The following FOXP1 variants were observed in gnomAD, a reference collection of about 807,000 sequenced individuals.
FOXP1 encodes forkhead box protein P1.
Under a neutral mutation model 98.2 loss-of-function variants are expected in FOXP1, and 15 were observed. That is an observed-to-expected ratio of 0.15 (90% CI 0.10 to 0.24). The LOEUF is 0.24. Among genes scored for constraint, FOXP1 ranks in the 10% least tolerant of loss-of-function variants. The probability of loss-of-function intolerance (pLI) is 1.00; values close to 1 mark genes in which losing one functional copy is unlikely to be tolerated. For synonymous variants in FOXP1, 371 were observed against 314.5 expected, an observed-to-expected ratio of 1.18 and a Z score of -1.90; for missense variants, 633 against 848.5, an observed-to-expected ratio of 0.75 and a Z score of 3.15.
chr3:71,474,841 T>A (rs947057429), intron 3 of FOXP1, among the ~76,000 whole-genome samples: 27 of 152,064 alleles, frequency 1.8e-4, no homozygotes, highest in African/African-American at 6.5e-4. Flanking sequence ...GCAGAATAAA[T>A]GTTATGTGCT....
chr3:71,078,210 G>A (rs1023880679), intron 7 of FOXP1, among the ~76,000 whole-genome samples: 5 of 152,132 alleles, frequency 3.3e-5, no homozygotes, highest in Non-Finnish European at 5.9e-5. Flanking sequence ...CCTGTGGTGC[G>A]TTTCACATAG....
At chr3:71,510,106 C>T (rs543492170) in intron 2 of FOXP1, among the ~76,000 whole-genome samples, 8 of 149,082 alleles carry the variant, frequency 5.4e-5, no homozygotes, top group South Asian at 4.3e-4. Flanking sequence ...GCTTGAACCC[C>T]GGAGGCGGAG....
chr3:70,971,113 C>A (rs890250522), intron 18 of FOXP1: 3 of 382,990 alleles, frequency 7.8e-6, no homozygotes, highest in Non-Finnish European at 1.5e-5. Context: ...CTCCAGACTC[C>A]AACAGAAAGG....
intron 12 of FOXP1, among the ~76,000 whole-genome samples, chr3:71,010,921 C>A (rs2043516923): frequency 1.5e-5 from 2 of 136,326 alleles, no homozygotes; most frequent in South Asian, 4.7e-4. Context: ...CAGTTCGGTT[C>A]AATGGAAAAC....
intron 17 of FOXP1, among the ~76,000 whole-genome samples, chr3:70,973,566 C>G (rs2036807469): frequency 6.6e-6 from 1 of 152,084 alleles, no homozygotes; most frequent in Admixed American, 6.5e-5. Context: ...AGAAGAATCC[C>G]CAACCCTTAC....
At chr3:71,026,329 C>T (rs1017644420) in intron 11 of FOXP1, among the ~76,000 whole-genome samples, 12 of 152,134 alleles carry the variant, frequency 7.9e-5, no homozygotes, top group South Asian at 6.2e-4. Context: ...CATATTCAAA[C>T]GACTCAAGTT....
chr3:71,523,348 T>C (rs1365147085), intron 2 of FOXP1, among the ~76,000 whole-genome samples: 5 of 152,128 alleles, frequency 3.3e-5, no homozygotes. Context: ...AGGGGGACAA[T>C]AATTTACGTA....
chr3:71,278,265 T>C (rs2071129618), intron 5 of FOXP1, among the ~76,000 whole-genome samples: 1 of 152,224 alleles, frequency 6.6e-6, no homozygotes, highest in African/African-American at 2.4e-5. Context: ...ATTCCTGTTT[T>C]TTACAGTCAG....
At chr3:71,381,968 T>A (rs2080211256) in intron 3 of FOXP1, among the ~76,000 whole-genome samples, 1 of 151,744 alleles carries the variant, frequency 6.6e-6, no homozygotes, top group South Asian at 2.1e-4. Context: ...AATGACTGAA[T>A]TAACATTAGC....
intron 4 of FOXP1, among the ~76,000 whole-genome samples, chr3:71,321,625 T>C (rs1030840818): frequency 6.6e-6 from 1 of 151,816 alleles, no homozygotes; most frequent in Admixed American, 6.6e-5. Flanking sequence ...TCTTTCTTTT[T>C]TCTTTTTTTT....
intron 7 of FOXP1, among the ~76,000 whole-genome samples, chr3:71,054,866 G>A (rs2050404603): frequency 6.6e-6 from 1 of 152,084 alleles, no homozygotes; most frequent in African/African-American, 2.4e-5. Context: ...GTGACAGCAA[G>A]AAGCTAGAAG....
At chr3:71,220,477 C>T (rs1436263286) in intron 5 of FOXP1, among the ~76,000 whole-genome samples, 4 of 152,160 alleles carry the variant, frequency 2.6e-5, no homozygotes, top group Admixed American at 2.6e-4. Flanking sequence ...GGCCAGCACC[C>T]TGGCTTACGC....
At chr3:71,276,373 A>C (rs537645774) in intron 5 of FOXP1, 16 of 152,272 alleles carry the variant, frequency 1.1e-4, no homozygotes, top group African/African-American at 3.9e-4. Context: ...AGAGAGAAAA[A>C]AAATGGAAAC....
At chr3:71,406,362 AT>A (rs1489667568) in intron 3 of FOXP1, among the ~76,000 whole-genome samples, 6 of 133,970 alleles carry the variant, frequency 4.5e-5, no homozygotes, top group Non-Finnish European at 8.3e-5. Flanking sequence ...TATTTTCGTT[AT>A]TTTTTTCTTT....
intron 2 of FOXP1, among the ~76,000 whole-genome samples, chr3:71,559,865 G>T (rs902735319): frequency 6.6e-6 from 1 of 151,746 alleles, no homozygotes; most frequent in Non-Finnish European, 1.5e-5. Context: ...TGGGGGTTGC[G>T]GGGGGGACCT....
intron 3 of FOXP1, among the ~76,000 whole-genome samples, chr3:71,491,897 A>G (rs1361527196): frequency 1.3e-5 from 2 of 152,216 alleles, no homozygotes; most frequent in African/African-American, 4.8e-5. Flanking sequence ...ACTGTCTTAG[A>G]CATATCATCA....
chr3:71,423,938 T>C (rs1395191389), intron 3 of FOXP1, among the ~76,000 whole-genome samples: 1 of 152,224 alleles, frequency 6.6e-6, no homozygotes, highest in Admixed American at 6.5e-5. Context: ...ATATTTCTAT[T>C]TTTATTTCTT....
chr3:71,413,259 GAC>G (rs528319234), intron 3 of FOXP1, among the ~76,000 whole-genome samples: 2,195 of 64,296 alleles, frequency 0.034, 68 homozygotes, highest in African/African-American at 0.11. Flanking sequence ...CCCCCAAATA[GAC>G]ACACACACAC....
intron 7 of FOXP1, among the ~76,000 whole-genome samples, chr3:71,078,685 C>T (rs2054081800): frequency 6.6e-6 from 1 of 151,878 alleles, no homozygotes; most frequent in Non-Finnish European, 1.5e-5. Context: ...AATACCAGCA[C>T]ATCCTGCAAC....
Sources: gnomAD v4.1 joint callset for allele counts (sites outside exome capture counted in the v4.1 genomes callset) on GRCh38, gnomAD v4.1.1 for gene constraint, MANE v1.5 for transcripts, NCBI Gene and HGNC (gene_info 2026-07-23, HGNC 2026-07-21) for gene names.